Variants in KMT2E observed in about 807,000 individuals in gnomAD.
The protein encoded by KMT2E is histone reader KMT2E.
A neutral mutation model predicts 184.6 loss-of-function variants in KMT2E; 30 were observed. That is an observed-to-expected ratio of 0.16 (90% CI 0.12 to 0.22). The LOEUF is 0.22. Among genes scored for constraint, KMT2E ranks in the 10% least tolerant of loss-of-function variants. The pLI is 1.00. For synonymous variants in KMT2E, 815 were observed against 776.5 expected (o/e 1.05, Z -0.82); for missense variants, 2,023 against 2,237.4 (o/e 0.90, Z 1.93).
intron 17 of KMT2E, chr7:105,104,184 A>G (rs547933117): frequency 6.6e-6 from 1 of 152,286 alleles, no homozygotes; most frequent in Non-Finnish European, 1.5e-5. Flanking sequence ...TAACTAGGTA[A>G]CAATATGAAT....
chr7:105,027,213 C>G (rs1795211052), intron 1 of KMT2E, among the ~76,000 whole-genome samples: 1 of 150,960 alleles, frequency 6.6e-6, no homozygotes, highest in Non-Finnish European at 1.5e-5. Context: ...TCCCAAGTAA[C>G]TGGGACTACA....
At chr7:105,092,841 C>A (rs899608887) in intron 15 of KMT2E, among the ~76,000 whole-genome samples, 2 of 151,876 alleles carry the variant, frequency 1.3e-5, no homozygotes, top group African/African-American at 2.4e-5. Context: ...GTGGGAGGAA[C>A]CTCTTCTGTA....
At chr7:105,027,458 C>T (rs1357945910) in intron 1 of KMT2E, among the ~76,000 whole-genome samples, 2 of 152,170 alleles carry the variant, frequency 1.3e-5, no homozygotes, top group African/African-American at 4.8e-5. Context: ...TCATTTTTGC[C>T]TGTATTCTAA....
chr7:105,045,247 C>T (rs1490253377), intron 3 of KMT2E, among the ~76,000 whole-genome samples: 1 of 152,232 alleles, frequency 6.6e-6, no homozygotes, highest in Non-Finnish European at 1.5e-5. Flanking sequence ...GAATTTGATA[C>T]TATTGACTCT....
chr7:105,080,032 A>G (rs1451322578), intron 12 of KMT2E, among the ~76,000 whole-genome samples: 4 of 151,542 alleles, frequency 2.6e-5, no homozygotes, highest in Non-Finnish European at 5.9e-5. Context: ...TTTTTTGTAG[A>G]GTTGGGTTCT....
intron 1 of KMT2E, among the ~76,000 whole-genome samples, chr7:105,018,580 G>C (rs939922604): frequency 6.6e-6 from 1 of 152,086 alleles, no homozygotes; most frequent in Non-Finnish European, 1.5e-5. Context: ...TTTCATGATA[G>C]ATTATCTATG....
intron 6 of KMT2E, among the ~76,000 whole-genome samples, chr7:105,071,415 G>A (rs915805773): frequency 6.7e-6 from 1 of 150,270 alleles, no homozygotes; most frequent in Non-Finnish European, 1.5e-5. Flanking sequence ...TCACCAGGCT[G>A]CAGTGCAGTG....
At chr7:105,110,098 G>T (rs779402206) in intron 23 of KMT2E, among the ~76,000 whole-genome samples, 182 bp from the exon 24 acceptor site, 7 of 152,098 alleles carry the variant, frequency 4.6e-5, no homozygotes, top group Admixed American at 6.6e-5. Flanking sequence ...CTCCCAAAGT[G>T]CTGGGATTAC....
chr7:105,023,093 T>A (rs1739168566), intron 1 of KMT2E, among the ~76,000 whole-genome samples: 1 of 152,150 alleles, frequency 6.6e-6, no homozygotes, highest in African/African-American at 2.4e-5. Flanking sequence ...TTTAAAACTA[T>A]TGCTAAATGA....
intron 3 of KMT2E, among the ~76,000 whole-genome samples, chr7:105,045,586 T>G (rs1796071138): frequency 6.6e-6 from 1 of 152,230 alleles, no homozygotes; most frequent in African/African-American, 2.4e-5. Flanking sequence ...AGCATAATGT[T>G]TTCAGGATTC....
At chr7:105,043,379 G>T (rs531454391) in intron 3 of KMT2E, among the ~76,000 whole-genome samples, 46 of 150,456 alleles carry the variant, frequency 3.1e-4, no homozygotes, top group Non-Finnish European at 5.4e-4. Flanking sequence ...TGGGACTACA[G>T]GCGCCCGCCA....
chr7:105,066,326 A>C (rs1214490369), intron 5 of KMT2E, among the ~76,000 whole-genome samples: 1 of 152,124 alleles, frequency 6.6e-6, no homozygotes, highest in Non-Finnish European at 1.5e-5. Flanking sequence ...ATATCTGATA[A>C]ATGATATTTG....
Position 105,084,405 on chromosome 7 carries a change from T to G in KMT2E, c.1358+2608T>G, listed in dbSNP as rs1006522497. 5.3e-5 allele frequency among the ~76,000 whole-genome samples: 8 copies of G among 152,086 alleles called. No homozygotes were observed. The East Asian group carries it at 5.8e-4, about 11-fold the overall frequency. The stretch of plus-strand genomic sequence containing the variant: ...ACTTGGGAGGCCAAGGCGGGCGGAT[T>G]ACTTGAGGCCAGGAGTTCAAGACCA... On this transcript the variant is annotated intron_variant, in intron 13 of 26. Transcript: ENST00000311117.
intron 17 of KMT2E, chr7:105,104,376 A>G (rs1198474790): frequency 2.0e-5 from 3 of 152,168 alleles, no homozygotes; most frequent in Non-Finnish European, 2.9e-5. Flanking sequence ...GGGATTGTCA[A>G]TGGTGACTTT....
intron 1 of KMT2E, among the ~76,000 whole-genome samples, chr7:105,027,542 CTGAG>C (rs749861852): frequency 7.2e-5 from 11 of 152,254 alleles, no homozygotes; most frequent in Admixed American, 3.9e-4. Context: ...TGTTTGCATA[CTGAG>C]TATTTTTCTT....
intron 1 of KMT2E, among the ~76,000 whole-genome samples, chr7:105,023,212 A>G (rs1010330342): frequency 1.3e-5 from 2 of 149,204 alleles, no homozygotes; most frequent in Non-Finnish European, 1.5e-5. Context: ...TTTCTCCAAT[A>G]AAAAAATCCA....
At chr7:105,065,584 C>G (rs1336332864) in intron 5 of KMT2E, among the ~76,000 whole-genome samples, 1 of 151,992 alleles carries the variant, frequency 6.6e-6, no homozygotes, top group Non-Finnish European at 1.5e-5. Context: ...ACATAAATAC[C>G]TATGATAAAG....
At chr7:105,090,402 A>AC in intron 14 of KMT2E, 129 bp downstream of exon 14, 1 of 1,046,708 alleles carries the variant, frequency 9.6e-7, no homozygotes, top group South Asian at 1.8e-5. Flanking sequence ...TTAATGAAGT[A>AC]TTCATAAGTG....
intron 3 of KMT2E, among the ~76,000 whole-genome samples, chr7:105,046,683 A>G (rs963764563): frequency 2.6e-5 from 4 of 152,202 alleles, no homozygotes; most frequent in East Asian, 1.9e-4. Flanking sequence ...TGCCCTGGCA[A>G]TTTGGGACAT....
Sources: allele counts gnomAD v4.1 joint callset (sites outside exome capture counted in the v4.1 genomes callset), GRCh38; gene constraint gnomAD v4.1.1; transcripts MANE v1.5; gene names NCBI Gene and HGNC (gene_info 2026-07-23, HGNC 2026-07-21).